The following ASPH variants were observed in gnomAD, a reference collection of about 807,000 sequenced individuals.
ASPH encodes aspartate beta-hydroxylase, also known as aspartyl/asparaginyl beta-hydroxylase.
A neutral mutation model predicts 118.4 loss-of-function variants in ASPH; 100 were observed. The ratio of observed to expected loss-of-function variants is 0.84; its 90% confidence interval spans 0.72 to 1.00. The LOEUF (loss-of-function observed/expected upper bound fraction) is 1.00. Ranked by LOEUF, ASPH falls within the 50% of genes least tolerant of loss-of-function variation. The probability of loss-of-function intolerance (pLI) is 0.00; values close to 1 mark genes in which losing one functional copy is unlikely to be tolerated. For missense variants in ASPH, 920 were observed against 919.5 expected (o/e 1.00, Z -0.01); for synonymous variants, 315 against 325.6 (o/e 0.97, Z 0.35).
At chr8:61,607,788 A>C (rs995272200) in intron 14 of ASPH, among the ~76,000 whole-genome samples, 1 of 152,218 alleles carries the variant, frequency 6.6e-6, no homozygotes, top group Non-Finnish European at 1.5e-5. Context: ...TATTAGGGTT[A>C]TGTTTTCCCT....
chr8:61,668,318 T>G, intron 3 of ASPH: 2 of 1,508,732 alleles, frequency 1.3e-6, no homozygotes, highest in Non-Finnish European at 1.8e-6. Context: ...AAACAGAAAA[T>G]TTAAGGGAAT....
chr8:61,572,945 T>A (rs923088791), intron 16 of ASPH, among the ~76,000 whole-genome samples: 1 of 152,184 alleles, frequency 6.6e-6, no homozygotes, highest in Non-Finnish European at 1.5e-5. Context: ...GATGACATGA[T>A]TGTATATTTA....
intron 1 of ASPH, among the ~76,000 whole-genome samples, chr8:61,706,434 A>AAGAAGAAG: frequency 7.6e-6 from 1 of 131,448 alleles, no homozygotes; most frequent in African/African-American, 3.2e-5. Flanking sequence ...AAAAAAGAAG[A>AAGAAGAAG]AGAAGAAGAA....
At chr8:61,612,126 T>C (rs896826099) in intron 14 of ASPH, among the ~76,000 whole-genome samples, 1 of 151,356 alleles carries the variant, frequency 6.6e-6, no homozygotes, top group East Asian at 1.9e-4. Flanking sequence ...CATAAATAAG[T>C]ACAAAGAATT....
intron 14 of ASPH, among the ~76,000 whole-genome samples, chr8:61,588,504 A>G (rs1197846376): frequency 6.6e-6 from 1 of 152,222 alleles, no homozygotes; most frequent in Non-Finnish European, 1.5e-5. Context: ...ACATTACTCT[A>G]TGTCCTATAC....
intron 14 of ASPH, among the ~76,000 whole-genome samples, chr8:61,608,786 C>A (rs1420861333): frequency 6.6e-6 from 1 of 151,928 alleles, no homozygotes; most frequent in African/African-American, 2.4e-5. Flanking sequence ...GAGGGTGGGA[C>A]CCAGGGCACT....
chr8:61,682,776 A>G (rs891262075), intron 2 of ASPH, among the ~76,000 whole-genome samples: 3 of 152,120 alleles, frequency 2.0e-5, no homozygotes, highest in Admixed American at 2.0e-4. Flanking sequence ...TTTCTCCCCA[A>G]AAATATGTCT....
intron 1 of ASPH, among the ~76,000 whole-genome samples, chr8:61,703,335 G>A (rs1431992654): frequency 6.6e-6 from 1 of 152,044 alleles, no homozygotes; most frequent in East Asian, 1.9e-4. Context: ...AAGTAAGACT[G>A]TTTCTATTAA....
chr8:61,513,128 G>A (rs1223526495), intron 24 of ASPH, among the ~76,000 whole-genome samples: 1 of 152,180 alleles, frequency 6.6e-6, no homozygotes, highest in Non-Finnish European at 1.5e-5. Flanking sequence ...AAAGAACAAT[G>A]TACAAATTGC....
intron 22 of ASPH, among the ~76,000 whole-genome samples, chr8:61,518,880 G>A (rs1180122268): frequency 1.3e-5 from 2 of 152,096 alleles, no homozygotes; most frequent in Non-Finnish European, 2.9e-5. Flanking sequence ...GGTGTTATTC[G>A]AGGTTTGCAG....
intron 1 of ASPH, among the ~76,000 whole-genome samples, chr8:61,693,426 T>C (rs1833156213): frequency 6.6e-6 from 1 of 152,168 alleles, no homozygotes; most frequent in Admixed American, 6.5e-5. Flanking sequence ...ATAGTGAAAA[T>C]ATGATTCTTT....
chr8:61,543,398 C>A (rs562151408), intron 21 of ASPH, among the ~76,000 whole-genome samples: 104 of 152,216 alleles, frequency 6.8e-4, no homozygotes, highest in Admixed American at 2.0e-3. Flanking sequence ...GGTGTTGAGC[C>A]CCCCTAGTGA....
chr8:61,562,901 A>G, intron 17 of ASPH, 21 bp from the exon 18 acceptor site: 1 of 1,558,078 alleles, frequency 6.4e-7, no homozygotes, highest in Non-Finnish European at 8.6e-7. Flanking sequence ...GGGAATTTAA[A>G]AAAAATAGAA....
rs529334147 is a variant in ASPH at position 61,628,773 on chromosome 8, T to C, written c.934+4910A>G. ...CTCTGAGAAATTAATTGTACTTATT[T>C]TACTCCACCATGTACCCACAGGACT... is the stretch of plus-strand genomic sequence containing the variant. On this transcript the variant is annotated intron_variant, in intron 13 of 24. Transcript: ENST00000379454. Among the ~76,000 whole-genome samples the C allele has an allele frequency of 3.3e-5, 5 of 152,262 alleles. No individual in the cohort carries two copies. In the South Asian group the frequency reaches 1.0e-3, roughly 32 times the overall value.
At chr8:61,543,685 G>T (rs753473758) in intron 21 of ASPH, among the ~76,000 whole-genome samples, 1 of 152,154 alleles carries the variant, frequency 6.6e-6, no homozygotes, top group East Asian at 1.9e-4. Flanking sequence ...CTATTTCTTT[G>T]TGTGTCATAT....
At chr8:61,658,045 T>C (rs539859205) in intron 3 of ASPH, 1 of 152,186 alleles carries the variant, frequency 6.6e-6, no homozygotes, top group Admixed American at 6.5e-5. Flanking sequence ...AATCAATTTA[T>C]CCCAAGAATA....
chr8:61,549,427 C>T (rs565879813), intron 20 of ASPH, among the ~76,000 whole-genome samples: 1 of 152,284 alleles, frequency 6.6e-6, no homozygotes, highest in African/African-American at 2.4e-5. Flanking sequence ...GCAACTTATT[C>T]TACTCTCCTC....
chr8:61,603,772 G>C (rs770279054), intron 14 of ASPH, among the ~76,000 whole-genome samples: 16 of 152,126 alleles, frequency 1.1e-4, no homozygotes, highest in Non-Finnish European at 2.1e-4. Flanking sequence ...TAGAATAAAA[G>C]ACTGAAAATG....
At chr8:61,530,053 T>C (rs1816998519) in intron 21 of ASPH, among the ~76,000 whole-genome samples, 1 of 152,184 alleles carries the variant, frequency 6.6e-6, no homozygotes, top group Non-Finnish European at 1.5e-5. Context: ...AGAGAGAATA[T>C]GAATTTTCTC....
Sources: gnomAD v4.1 joint callset for allele counts (sites outside exome capture counted in the v4.1 genomes callset) on GRCh38, gnomAD v4.1.1 for gene constraint, MANE v1.5 for transcripts, NCBI Gene and HGNC (gene_info 2026-07-23, HGNC 2026-07-21) for gene names.